RBM41: variants seen among roughly 807,000 people sequenced by gnomAD.
RBM41 encodes RNA-binding protein 41.
In RBM41, 14 loss-of-function variants were observed where a neutral mutation model predicts 30.8. The ratio of observed to expected loss-of-function variants is 0.45; its 90% CI spans 0.30 to 0.71. RBM41 has a LOEUF of 0.71. RBM41 is among the 30% of genes least tolerant of loss of function. The pLI is 0.08. For missense variants in RBM41, 276 were observed against 326.3 expected (o/e 0.85, Z 1.19); for synonymous variants, 120 against 110.1 (o/e 1.09, Z -0.56).
downstream of RBM41, among the ~76,000 whole-genome samples, chrX:107,061,444 CA>C (rs1935636642): frequency 8.9e-6 from 1 of 111,851 alleles, no homozygotes; most frequent in Admixed American, 9.5e-5. Flanking sequence ...TTCTTTTCAA[CA>C]AATTTCCTTT....
At chrX:107,097,271 A>G (rs948915141) in intron 5 of RBM41, among the ~76,000 whole-genome samples, 2 of 112,272 alleles carry the variant, frequency 1.8e-5, no homozygotes, top group Non-Finnish European at 3.8e-5. Context: ...ATAATAGCTA[A>G]AAGTGGAAAC....
chrX:107,116,993 C>T (rs1223978613), intron 1 of RBM41, among the ~76,000 whole-genome samples: 1 of 112,111 alleles, frequency 8.9e-6, no homozygotes, highest in Non-Finnish European at 1.9e-5. Flanking sequence ...AAGACATAGT[C>T]CCTATCCTCA....
intron 5 of RBM41, among the ~76,000 whole-genome samples, chrX:107,111,345 A>G (rs1298171531): frequency 1.8e-5 from 2 of 111,292 alleles, no homozygotes; most frequent in Non-Finnish European, 3.8e-5. Flanking sequence ...ATAAGATAAC[A>G]TTTCATACCC....
chrX:107,113,548 C>A (rs1311483401), intron 4 of RBM41, 80 bp from the exon 5 acceptor site: 1 of 963,643 alleles, frequency 1.0e-6, no homozygotes, highest in East Asian at 7.6e-5. Context: ...ACCCCAAATA[C>A]CAGGTACTGC....
chrX:107,106,324 A>T (rs1209814730), intron 5 of RBM41, among the ~76,000 whole-genome samples: 2 of 112,049 alleles, frequency 1.8e-5, no homozygotes, highest in African/African-American at 6.5e-5. Flanking sequence ...ATGAGATACC[A>T]TCTCACACCA....
chrX:107,116,013 T>C lies in RBM41; in HGVS notation c.167A>G (p.Tyr56Cys). Reference sequence around the variant, plus strand: ...AGCTGCTTCCTTCCCAAAGGGCTTGTACATAGTACCAGGAGCAAAGCTCTC... The same window carrying C: ...AGCTGCTTCCTTCCCAAAGGGCTTGCACATAGTACCAGGAGCAAAGCTCTC... ...KKESFAPGTM[Y>C]KPFGKEAAGT... Residue 56 changes from tyrosine to cysteine, a missense_variant, in exon 3 of 8, where the codon TAC becomes TGC. Physicochemically the swap from Tyr to Cys is radical, Grantham distance 194. Coordinates refer to ENST00000685964, the MANE Select transcript of RBM41 (RefSeq NM_001324242.2). 8.4e-7 allele frequency: 1 copy of C among 1,196,774 alleles called. No homozygotes were observed. The highest frequency in any genetic ancestry group is 1.1e-6 in the Non-Finnish European group (1 of 887,540).
intron 6 of RBM41, among the ~76,000 whole-genome samples, chrX:107,076,316 CAAATAAAT>C (rs55848548): frequency 0.033 from 3,061 of 92,718 alleles, 65 homozygotes; most frequent in African/African-American, 0.059. Flanking sequence ...GACTCCGTCT[CAAATAAAT>C]AAATAAATAA....
intron 5 of RBM41, among the ~76,000 whole-genome samples, chrX:107,101,858 G>T (rs1190774312): frequency 8.9e-6 from 1 of 111,928 alleles, no homozygotes; most frequent in East Asian, 2.8e-4. Context: ...ATTGGATTTA[G>T]AATTGGGTAA....
In RBM41 at chrX:107,066,481, C is replaced by A. The variant is rs1935843101; in HGVS notation, c.*1046G>T. 8.8e-6 allele frequency: 1 copy of A among 114,024 alleles called. No individual in the cohort carries two copies. The highest frequency in any genetic ancestry group is 1.8e-5 in the Non-Finnish European group (1 of 55,499). 9.4% of individuals were successfully genotyped at this position (114,024 alleles called of 1,213,427 possible). A position where few individuals can be genotyped will look rare whatever the true frequency, so the allele number is the denominator to read the frequency against. The stretch of plus-strand genomic sequence containing the variant: ...TTCTATACTCTTGTTCAATTTTATT[C>A]ATTGTTTTCCTTTCTGTTCTTCAGC... On this transcript the variant is annotated 3_prime_UTR_variant, in exon 8 of 8. Coordinates refer to ENST00000685964, the MANE Select transcript of RBM41 (RefSeq NM_001324242.2).
At chrX:107,077,833 AAC>A (rs1464491796) in intron 6 of RBM41, among the ~76,000 whole-genome samples, 2 of 111,423 alleles carry the variant, frequency 1.8e-5, no homozygotes, top group African/African-American at 6.5e-5. Context: ...TTAATTTTAG[AAC>A]AGTTTTGGAT....
the RBM41 span, among the ~76,000 whole-genome samples, chrX:107,054,461 TG>T: frequency 8.9e-6 from 1 of 111,993 alleles, no homozygotes; most frequent in East Asian, 2.8e-4. Flanking sequence ...AGCTTAACAC[TG>T]GGGCTTGGGT....
At chrX:107,105,910 A>G (rs1340111837) in intron 5 of RBM41, among the ~76,000 whole-genome samples, 2 of 112,140 alleles carry the variant, frequency 1.8e-5, no homozygotes, top group Admixed American at 1.9e-4. Context: ...AAAACCATAA[A>G]AACCCTAGAA....
At chrX:107,085,680 T>A (rs1921976350) in intron 6 of RBM41, among the ~76,000 whole-genome samples, 1 of 112,166 alleles carries the variant, frequency 8.9e-6, no homozygotes, top group South Asian at 3.7e-4. Flanking sequence ...CTAATGAGAT[T>A]TCTTAAGTCT....
the RBM41 span, among the ~76,000 whole-genome samples, chrX:107,054,973 T>C: frequency 8.9e-6 from 1 of 112,207 alleles, no homozygotes; most frequent in African/African-American, 3.2e-5. Context: ...CATGCCAAAA[T>C]GAAACTGGGT....
chrX:107,103,006 C>T, intron 5 of RBM41, among the ~76,000 whole-genome samples: 1 of 111,259 alleles, frequency 9.0e-6, no homozygotes, highest in Middle Eastern at 4.7e-3. Flanking sequence ...TATCCAGAAC[C>T]TCACCTATAC....
intron 6 of RBM41, among the ~76,000 whole-genome samples, chrX:107,084,716 G>C (rs1336984452): frequency 9.0e-6 from 1 of 111,577 alleles, no homozygotes; most frequent in East Asian, 2.8e-4. Context: ...AAGCAAATCT[G>C]GGATGTGATT....
In RBM41 at chrX:107,067,474, T is replaced by C; in HGVS notation, c.*53A>G. ...CTGGTGTCTATACATAAATCCTAGA[T>C]CCAAGATTCCAATTCAAGAAAGACC... On this transcript the variant is annotated 3_prime_UTR_variant, in exon 8 of 8. Transcript: ENST00000685964. 4.4e-6 allele frequency: 5 copies of C among 1,124,675 alleles called. No individual in the cohort carries two copies. The highest frequency in any genetic ancestry group is 5.9e-6 in the Non-Finnish European group (5 of 850,690). The allele number at this position is 1,124,675 out of a possible 1,213,427, so 92.7% of individuals were successfully genotyped here.
At chrX:107,080,104 T>C (rs1921367507) in intron 6 of RBM41, among the ~76,000 whole-genome samples, 1 of 111,579 alleles carries the variant, frequency 9.0e-6, no homozygotes, top group South Asian at 3.8e-4. Flanking sequence ...GCACTTTTTG[T>C]TGAACACAGG....
At chrX:107,083,173 T>A (rs1174446419) in intron 6 of RBM41, among the ~76,000 whole-genome samples, 2 of 56,130 alleles carry the variant, frequency 3.6e-5, no homozygotes, top group Non-Finnish European at 5.6e-5. Flanking sequence ...TTTTGAAGGA[T>A]TTTTTTTTTT....
Sources: gnomAD v4.1 joint callset for allele counts (sites outside exome capture counted in the v4.1 genomes callset) on GRCh38, gnomAD v4.1.1 for gene constraint, MANE v1.5 for transcripts, NCBI Gene and HGNC (gene_info 2026-07-23, HGNC 2026-07-21) for gene names.